Variants in ITPRID1 observed in about 807,000 individuals in gnomAD.
The protein encoded by ITPRID1 is protein ITPRID1.
Under a neutral mutation model 95.4 loss-of-function variants are expected in ITPRID1, and 96 were observed. That is an observed-to-expected ratio of 1.01 (90% CI 0.85 to 1.19). The LOEUF is 1.19. Among genes scored for constraint, ITPRID1 ranks in the 50% most tolerant of loss-of-function variants. The pLI, the probability that ITPRID1 is intolerant of heterozygous loss-of-function variation, is 0.00. For synonymous variants in ITPRID1, 510 were observed against 453.6 expected (o/e 1.12, Z -1.58); for missense variants, 1,339 against 1,252.9 (o/e 1.07, Z -1.04).
chr7:31,620,208 A>T (rs2128175569), intron 10 of ITPRID1, among the ~76,000 whole-genome samples: 1 of 152,236 alleles, frequency 6.6e-6, no homozygotes, highest in South Asian at 2.1e-4. Flanking sequence ...GACAGCAGTA[A>T]CCTCTTCAGA....
chr7:31,555,702 A>G (rs2128137609), intron 5 of ITPRID1, among the ~76,000 whole-genome samples: 1 of 152,310 alleles, frequency 6.6e-6, no homozygotes, highest in Non-Finnish European at 1.5e-5. Flanking sequence ...TTAGGAACTT[A>G]ATGGTTAGAT....
chr7:31,600,627 C>A (rs1786353456), intron 10 of ITPRID1, among the ~76,000 whole-genome samples: 1 of 152,236 alleles, frequency 6.6e-6, no homozygotes, highest in South Asian at 2.1e-4. Flanking sequence ...TCCCATGATT[C>A]TTCCCTTGGG....
At chr7:31,548,064 A>G (rs1159376592) in intron 1 of ITPRID1, among the ~76,000 whole-genome samples, 5 of 144,940 alleles carry the variant, frequency 3.4e-5, no homozygotes. Flanking sequence ...TCCAGTAAGG[A>G]GGACAAAAAT....
At chr7:31,520,825 C>G (rs1430512844) in intron 1 of ITPRID1, among the ~76,000 whole-genome samples, 16 of 151,796 alleles carry the variant, frequency 1.1e-4, no homozygotes, top group Admixed American at 1.0e-3. Context: ...TCATTTATAC[C>G]TATATTAAGT....
At chr7:31,615,967 TCTCCTGAC>T (rs1303730229) in intron 10 of ITPRID1, among the ~76,000 whole-genome samples, 4 of 151,812 alleles carry the variant, frequency 2.6e-5, no homozygotes, top group African/African-American at 9.7e-5. Context: ...GTGGTCTCGC[TCTCCTGAC>T]CTCCTGATCT....
At chr7:31,638,808 G>A (rs1030399721) in intron 10 of ITPRID1, among the ~76,000 whole-genome samples, 2 of 151,990 alleles carry the variant, frequency 1.3e-5, no homozygotes, top group Non-Finnish European at 2.9e-5. Context: ...ATGGAGACTT[G>A]CTCTGTCGCC....
intron 7 of ITPRID1, 49 bp downstream of exon 7, chr7:31,572,237 C>A: frequency 2.6e-6 from 3 of 1,173,494 alleles, no homozygotes; most frequent in Non-Finnish European, 3.7e-6. Flanking sequence ...TTCTGTGCAA[C>A]AATGGATTTC....
rs905985397 is a variant in ITPRID1 at position 31,651,153 on chromosome 7, T to C, written c.2595T>C (p.His865=). 3.1e-6 allele frequency: 5 copies of C among 1,612,940 alleles called. No homozygotes were observed. Among genetic ancestry groups the C allele is most frequent in the Non-Finnish European group, 4.2e-6 (5 of 1,179,282 alleles). The change falls in exon 13 of 15, where the codon CAT becomes CAC. Residue 865 remains histidine, a synonymous_variant. Transcript: ENST00000615280. ...TVRELCSCTV[H]EMEAMKTICQ... ...CTCATTGTTCTCAGTGCACAGTCCATGAGATGGAAGCCATGAAGACGATAT... is the reference window on the plus strand; with the variant it reads ...CTCATTGTTCTCAGTGCACAGTCCACGAGATGGAAGCCATGAAGACGATAT...
chr7:31,658,548 T>A, downstream of ITPRID1: 1 of 450,472 alleles, frequency 2.2e-6, no homozygotes, highest in Admixed American at 4.2e-5. Flanking sequence ...GTTGCATACG[T>A]AATTTCAAAT....
At chr7:31,597,050 AAAG>A (rs1433749552) in intron 10 of ITPRID1, among the ~76,000 whole-genome samples, 1 of 152,004 alleles carries the variant, frequency 6.6e-6, no homozygotes, top group Non-Finnish European at 1.5e-5. Context: ...AAGATGCAGA[AAAG>A]AAATATAACA....
chr7:31,651,195 G>T lies in ITPRID1; in HGVS notation c.2637G>T (p.Glu879Asp), dbSNP rs750765661. 2.2e-5 allele frequency: 35 copies of T among 1,613,540 alleles called. No individual in the cohort carries two copies. The South Asian group carries it at 3.7e-4, about 17-fold the overall frequency. Residue 879 changes from glutamate to aspartate, a missense_variant, in exon 13 of 15, where the codon GAG (glutamate) becomes GAT (aspartate). Coordinates refer to ENST00000615280, the MANE Select transcript of ITPRID1 (RefSeq NM_001257967.3). ...AMKTICQSFR[E>D]YLEEIEQHLM... ...AGACGATATGCCAAAGTTTCCGGGA[G>T]TATTTAGAAGAAATTGAACAGCACC...
chr7:31,607,539 C>T (rs927059303), intron 10 of ITPRID1, among the ~76,000 whole-genome samples: 7 of 152,054 alleles, frequency 4.6e-5, no homozygotes, highest in African/African-American at 1.7e-4. Flanking sequence ...AAGTCTAAAG[C>T]TACAGTGAAC....
chr7:31,558,843 G>A (rs994479225), intron 5 of ITPRID1, among the ~76,000 whole-genome samples: 6 of 152,112 alleles, frequency 3.9e-5, no homozygotes, highest in Admixed American at 3.9e-4. Flanking sequence ...CTTTACTTCT[G>A]TGAGCCAATT....
chr7:31,524,826 G>T (rs989037346), intron 1 of ITPRID1, among the ~76,000 whole-genome samples: 2 of 152,168 alleles, frequency 1.3e-5, no homozygotes, highest in African/African-American at 4.8e-5. Flanking sequence ...ATCTTACAAA[G>T]AGAGTTCCTT....
intron 10 of ITPRID1, among the ~76,000 whole-genome samples, chr7:31,598,764 A>C (rs532906249): frequency 1.8e-4 from 28 of 152,344 alleles, no homozygotes; most frequent in African/African-American, 6.5e-4. Context: ...AAACTGGGCA[A>C]ATAATATGAA....
At chr7:31,518,615 A>G (rs1783122911) in intron 1 of ITPRID1, among the ~76,000 whole-genome samples, 1 of 152,306 alleles carries the variant, frequency 6.6e-6, no homozygotes, top group South Asian at 2.1e-4. Flanking sequence ...CCAAGGAAAA[A>G]GCGGTATAAT....
At chr7:31,641,396 T>G (rs1790002647) in intron 10 of ITPRID1, among the ~76,000 whole-genome samples, 1 of 152,106 alleles carries the variant, frequency 6.6e-6, no homozygotes, top group South Asian at 2.1e-4. Context: ...GGAGGCCACC[T>G]TGCAACCCCC....
chr7:31,617,186 G>A (rs1041947068), intron 10 of ITPRID1, among the ~76,000 whole-genome samples: 1 of 152,118 alleles, frequency 6.6e-6, no homozygotes. Flanking sequence ...GCCTGGAGAA[G>A]GGAAGATCCT....
At chr7:31,627,353 A>C (rs1788558449) in intron 10 of ITPRID1, among the ~76,000 whole-genome samples, 2 of 152,194 alleles carry the variant, frequency 1.3e-5, no homozygotes. Flanking sequence ...TATTCTTTAG[A>C]GAATCATCAA....
Sources: gnomAD v4.1 joint callset for allele counts (sites outside exome capture counted in the v4.1 genomes callset) on GRCh38, gnomAD v4.1.1 for gene constraint, MANE v1.5 for transcripts, NCBI Gene and HGNC (gene_info 2026-07-23, HGNC 2026-07-21) for gene names.